The following PDE1B variants were observed in gnomAD, a reference collection of about 807,000 sequenced individuals.
PDE1B encodes the protein dual specificity calcium/calmodulin-dependent 3',5'-cyclic nucleotide phosphodiesterase 1B.
Under a neutral mutation model 66.7 loss-of-function variants are expected in PDE1B, and 13 were observed. The ratio of observed to expected loss-of-function variants is 0.19; its 90% CI spans 0.13 to 0.31. The LOEUF is 0.31. PDE1B is among the 10% of genes least tolerant of loss of function. The pLI is 1.00. For missense variants in PDE1B, 485 were observed against 682.3 expected (o/e 0.71, Z 3.22); for synonymous variants, 230 against 253.9 (o/e 0.91, Z 0.90).
Position 54,573,079 on chromosome 12 carries a change from G to A in PDE1B, c.736-69G>A, listed in dbSNP as rs1443657539. ...GGATGGGATGAGTGATCTAGCCTGTGTGTGGAGGTTCCTGGGAAGTGACCA... is the reference window on the plus strand; with the variant it reads ...GGATGGGATGAGTGATCTAGCCTGTATGTGGAGGTTCCTGGGAAGTGACCA... On this transcript the variant is annotated intron_variant, in intron 7 of 15. Coordinates refer to ENST00000243052, the MANE Select transcript of PDE1B (RefSeq NM_000924.4). The surrounding 1 kb of genome is among the most constrained non-coding windows in gnomAD (Gnocchi z 5.2). 3 of 1,095,606 alleles carry A rather than the reference G, an allele frequency of 2.7e-6. No individual in the cohort carries two copies. The highest frequency in any genetic ancestry group is 4.2e-6 in the Non-Finnish European group (3 of 710,090). 67.9% of individuals were successfully genotyped at this position (1,095,606 alleles called of 1,614,324 possible).
chr12:54,575,887 C>T lies in PDE1B; in HGVS notation c.1268-105C>T. ...TTTCAGCCCCAGGTTACCTCTCCAT[C>T]CTCTTTCATAAGCAGCCAGGGGTCC... On this transcript the variant is annotated intron_variant, in intron 12 of 15. Transcript: ENST00000243052. This position sits in a 1 kb window ranked among gnomAD's most constrained non-coding sequence, Gnocchi z 4.0. 1.1e-6 allele frequency: 1 copy of T among 890,552 alleles called. No homozygotes were observed. Among genetic ancestry groups the T allele is most frequent in the Non-Finnish European group, 1.9e-6 (1 of 533,176 alleles). The allele number at this position is 890,552 out of a possible 1,614,324, so 55.2% of individuals were successfully genotyped here. A position where few individuals can be genotyped will look rare whatever the true frequency, so the allele number is the denominator to read the frequency against.
Position 54,555,624 on chromosome 12 carries a change from C to G in PDE1B, c.113+5639C>G, listed in dbSNP as rs926801249. Among the ~76,000 whole-genome samples, 9 of 152,164 alleles carry G rather than the reference C, an allele frequency of 5.9e-5. No individual in the cohort carries two copies. In the East Asian group the frequency reaches 1.5e-3, roughly 26 times the overall value. On this transcript the variant is annotated intron_variant, in intron 2 of 15. Coordinates refer to ENST00000243052, the MANE Select transcript of PDE1B (RefSeq NM_000924.4). ...CCCCAACCTTTAAATCTTTCTGCCA[C>G]CTTCAGACTGGGATGGAGGAGCAGA...
intron 14 of PDE1B, 196 bp from the exon 15 acceptor site, chr12:54,577,029 G>A (rs1200158911): frequency 1.6e-6 from 1 of 617,816 alleles, no homozygotes; most frequent in Non-Finnish European, 2.8e-6. Context: ...GTGTGAGGGG[G>A]TGGTAGGGTG....
At chr12:54,567,163 T>C in intron 3 of PDE1B, 76 bp downstream of exon 3, 7 of 731,016 alleles carry the variant, frequency 9.6e-6, no homozygotes, top group Non-Finnish European at 1.6e-5. Context: ...AAGACAAAGA[T>C]AGACACATGT....
rs10783631 is a variant in PDE1B at position 54,579,059 on chromosome 12, A to G, written c.*1217A>G. The G allele has an allele frequency of 0.39, 63,548 of 162,084 alleles. 14,907 individuals carry two copies. The highest frequency in any genetic ancestry group is 0.57 in the East Asian group (2,938 of 5,176). 10.0% of individuals were successfully genotyped at this position (162,084 alleles called of 1,614,324 possible). ...TCCTTCTTTCTTGTAAATACCAACCATGCATTTGTACAGTGGGCCCTGTTC... is the reference window on the plus strand; with the variant it reads ...TCCTTCTTTCTTGTAAATACCAACCGTGCATTTGTACAGTGGGCCCTGTTC... On this transcript the variant is annotated 3_prime_UTR_variant, in exon 16 of 16. Coordinates refer to ENST00000243052, the MANE Select transcript of PDE1B (RefSeq NM_000924.4).
At chr12:54,561,730 C>A in intron 2 of PDE1B, 1 of 845,842 alleles carries the variant, frequency 1.2e-6, no homozygotes, top group Non-Finnish European at 1.9e-6. Flanking sequence ...GTGGAGAGAT[C>A]AAGACCTGGC....
At position 54,549,961 on chromosome 12, in the gene PDE1B, AG is replaced by A. The variant is rs1957251733; in HGVS notation, c.90del (p.Met31CysfsTer13). ...GAGCTGAAGTCAGCCCCCAGCAAGA[AG>A]ATGTGGATTAAGCTTCGGTCTCTGT... The part of the protein sequence containing the change: ...PLELKSAPSK[K>X]MWIKLRSLLR... On this transcript the variant is annotated frameshift_variant, in exon 2 of 16. Coordinates refer to ENST00000243052, the MANE Select transcript of PDE1B (RefSeq NM_000924.4). LOFTEE classifies it high-confidence loss of function. 6.2e-7 allele frequency: 1 copy of A among 1,613,886 alleles called. No individual in the cohort carries two copies. The highest frequency in any genetic ancestry group is 1.3e-5 in the African/African-American group (1 of 74,894).
intron 2 of PDE1B, among the ~76,000 whole-genome samples, chr12:54,553,910 GGTAAAGGTTGATAT>G (rs1353161470): frequency 5.9e-5 from 9 of 152,274 alleles, no homozygotes; most frequent in African/African-American, 2.2e-4. Context: ...CATGTGTTTG[GGTAAAGGTTGATAT>G]GTATGCTGGG....
intron 2 of PDE1B, among the ~76,000 whole-genome samples, chr12:54,560,900 C>A (rs1874305): frequency 0.99 from 150,084 of 152,094 alleles, 74,091 homozygotes; most frequent in Middle Eastern, 1. Context: ...CTTGACTTTC[C>A]TTCTCTGCTT....
intron 5 of PDE1B, 26 bp from the exon 6 acceptor site, chr12:54,570,215 C>T (rs759847730): frequency 7.2e-7 from 1 of 1,383,324 alleles, no homozygotes. Context: ...TGCTGGAAAG[C>T]CACATAATCT....
intron 2 of PDE1B, among the ~76,000 whole-genome samples, chr12:54,560,912 C>T (rs3782407): frequency 0.27 from 41,391 of 151,954 alleles, 5,845 homozygotes; most frequent in East Asian, 0.35. Context: ...TCTCTGCTTG[C>T]GGGTGGAGGG....
At chr12:54,554,626 C>T (rs1320567597) in intron 2 of PDE1B, among the ~76,000 whole-genome samples, 1 of 152,020 alleles carries the variant, frequency 6.6e-6, no homozygotes, top group Admixed American at 6.5e-5. Flanking sequence ...AAATTCAGCC[C>T]CAAGGAAGAA....
At chr12:54,553,795 C>A (rs1202359243) in intron 2 of PDE1B, among the ~76,000 whole-genome samples, 1 of 151,906 alleles carries the variant, frequency 6.6e-6, no homozygotes, top group Non-Finnish European at 1.5e-5. Context: ...CAGGACAGAG[C>A]CTGGAACTGA....
chr12:54,568,467 T>TAC (rs56360853), intron 3 of PDE1B, among the ~76,000 whole-genome samples: 4,401 of 143,382 alleles, frequency 0.031, 116 homozygotes, highest in African/African-American at 0.063. Flanking sequence ...TGTCTAAAAA[T>TAC]ACACACACAC....
intron 2 of PDE1B, among the ~76,000 whole-genome samples, chr12:54,558,045 T>A (rs1347068569): frequency 6.6e-6 from 1 of 152,080 alleles, no homozygotes; most frequent in Non-Finnish European, 1.5e-5. Context: ...TCAAGCTGCT[T>A]AGATTATTCC....
intron 13 of PDE1B, 184 bp downstream of exon 13, chr12:54,576,284 C>T (rs1011098905): frequency 4.9e-6 from 3 of 607,670 alleles, no homozygotes; most frequent in Admixed American, 2.8e-5. Context: ...GTGACCTGTA[C>T]CTATGCTCCC....
intron 6 of PDE1B, chr12:54,570,863 T>A (rs974570349): frequency 5.9e-5 from 9 of 153,616 alleles, no homozygotes; most frequent in African/African-American, 2.2e-4. Context: ...CTTCATTTGC[T>A]CTTCAGCTTG....
intron 6 of PDE1B, chr12:54,571,648 A>G (rs1957617978): frequency 6.6e-6 from 1 of 152,036 alleles, no homozygotes; most frequent in South Asian, 2.1e-4. Context: ...CCCTTCTCAA[A>G]CTCCACATTC....
chr12:54,562,600 C>T (rs1957437897), intron 2 of PDE1B, among the ~76,000 whole-genome samples: 1 of 152,162 alleles, frequency 6.6e-6, no homozygotes, highest in Non-Finnish European at 1.5e-5. Flanking sequence ...GATAGAAGGA[C>T]TTCCTGCAGA....
Sources: allele counts gnomAD v4.1 joint callset (sites outside exome capture counted in the v4.1 genomes callset), GRCh38; gene constraint gnomAD v4.1.1; non-coding constraint Gnocchi (gnomAD v3.1); transcripts MANE v1.5; gene names NCBI Gene and HGNC (gene_info 2026-07-23, HGNC 2026-07-21).